STK33: variants seen among roughly 807,000 people sequenced by gnomAD.
STK33 encodes serine/threonine-protein kinase 33.
In STK33, 52 loss-of-function variants were observed where a neutral mutation model predicts 58.0. The observed-to-expected ratio is 0.90, with a 90% CI of 0.72 to 1.13. The LOEUF is 1.13. STK33 is among the 50% of genes most tolerant of loss of function. The pLI is 0.00. For missense variants in STK33, 630 were observed against 604.2 expected, an observed-to-expected ratio of 1.04 and a Z score of -0.45; for synonymous variants, 215 against 200.1, an observed-to-expected ratio of 1.07 and a Z score of -0.63.
At chr11:8,375,022 T>C in the STK33 span, among the ~76,000 whole-genome samples, 1 of 152,226 alleles carries the variant, frequency 6.6e-6, no homozygotes, top group African/African-American at 2.4e-5. Flanking sequence ...TAGCACAGAC[T>C]AAATTTATTA....
At chr11:8,354,501 C>CACACAT in the STK33 span, among the ~76,000 whole-genome samples, 1 of 150,948 alleles carries the variant, frequency 6.6e-6, no homozygotes, top group Admixed American at 6.6e-5. Flanking sequence ...CACACACACA[C>CACACAT]ACACACACAC....
At chr11:8,368,082 A>G in the STK33 span, among the ~76,000 whole-genome samples, 24 of 152,124 alleles carry the variant, frequency 1.6e-4, no homozygotes, top group Non-Finnish European at 2.9e-4. Flanking sequence ...CTACTCCTGC[A>G]GCCAAGCAGC....
the STK33 span, among the ~76,000 whole-genome samples, chr11:8,353,016 C>T: frequency 8.5e-5 from 13 of 152,210 alleles, no homozygotes; most frequent in African/African-American, 1.2e-4. Context: ...TGCTAGCTGA[C>T]GGGAACATGG....
rs1955070178 is a variant in STK33 at position 8,536,972 on chromosome 11, A to ATCTT, written c.-465-56359_-465-56358insAAGA. Among the ~76,000 whole-genome samples, 154 of 65,748 alleles carry ATCTT rather than the reference A, an allele frequency of 2.3e-3. 4 individuals carry two copies. Among genetic ancestry groups the ATCTT allele is most frequent in the Non-Finnish European group, 3.1e-3 (127 of 40,354 alleles). 43.1% of individuals were successfully genotyped at this position (65,748 alleles called of 152,430 possible). On this transcript the variant is annotated intron_variant, in intron 1 of 15. Coordinates refer to ENST00000687296, the MANE Select transcript of STK33 (RefSeq NM_001352389.2). The stretch of plus-strand genomic sequence containing the variant: ...AATTAAAAAAAAAAAAAAAAAAAAG[A>ATCTT]TTTTTTTTTTTTTTTTTTTTTTTTT...
downstream of STK33, among the ~76,000 whole-genome samples, chr11:8,389,204 A>G (rs1214519462): frequency 6.6e-6 from 1 of 152,258 alleles, no homozygotes; most frequent in Non-Finnish European, 1.5e-5. Context: ...CTGCAAGGGC[A>G]GGGGACACAG....
intron 1 of STK33, among the ~76,000 whole-genome samples, chr11:8,511,486 T>G (rs189942541): frequency 9.3e-4 from 141 of 152,304 alleles, no homozygotes; most frequent in African/African-American, 3.3e-3. Flanking sequence ...TCTTGTCTGA[T>G]TGCTGTGGCT....
chr11:8,524,002 A>G (rs1469269977), intron 1 of STK33, among the ~76,000 whole-genome samples: 1 of 152,172 alleles, frequency 6.6e-6, no homozygotes, highest in Admixed American at 6.5e-5. Flanking sequence ...GATGCTGTTA[A>G]TCTATAACCT....
intron 1 of STK33, among the ~76,000 whole-genome samples, chr11:8,526,583 T>C (rs1408457837): frequency 2.6e-5 from 4 of 152,098 alleles, no homozygotes; most frequent in Non-Finnish European, 5.9e-5. Context: ...GGATAATTCA[T>C]AGCAATAAAA....
chr11:8,389,461 G>C (rs147150300), downstream of STK33, among the ~76,000 whole-genome samples: 47 of 152,336 alleles, frequency 3.1e-4, 1 homozygote. Flanking sequence ...GAGTGGTTCT[G>C]GAGGGGCAGA....
the STK33 span, among the ~76,000 whole-genome samples, chr11:8,384,761 G>A: frequency 6.6e-6 from 1 of 152,186 alleles, no homozygotes; most frequent in African/African-American, 2.4e-5. Flanking sequence ...AATCACTTGA[G>A]ATGACTCACT....
chr11:8,351,689 C>T, the STK33 span, among the ~76,000 whole-genome samples: 41 of 152,230 alleles, frequency 2.7e-4, no homozygotes, highest in Non-Finnish European at 2.5e-4. Context: ...GGTGTGGGAG[C>T]GTCGTCCGGA....
At chr11:8,406,391 A>G (rs1336272652) in intron 15 of STK33, among the ~76,000 whole-genome samples, 1 of 152,150 alleles carries the variant, frequency 6.6e-6, no homozygotes, top group African/African-American at 2.4e-5. Context: ...TCATCTTGTC[A>G]ATTTATAACA....
intron 1 of STK33, among the ~76,000 whole-genome samples, chr11:8,579,961 C>T (rs1958449941): frequency 6.6e-6 from 1 of 152,018 alleles, no homozygotes; most frequent in Non-Finnish European, 1.5e-5. Flanking sequence ...AAAAGACAGG[C>T]AATAACAAAT....
intron 1 of STK33, among the ~76,000 whole-genome samples, chr11:8,517,819 TC>T (rs1952951213): frequency 2.0e-5 from 3 of 152,224 alleles, no homozygotes; most frequent in African/African-American, 7.2e-5. Flanking sequence ...GAATGAAGCC[TC>T]CAAGAAATAT....
intron 15 of STK33, among the ~76,000 whole-genome samples, chr11:8,407,158 G>A (rs1030551620): frequency 6.6e-6 from 1 of 151,654 alleles, no homozygotes; most frequent in African/African-American, 2.4e-5. Flanking sequence ...TTTGATTTTT[G>A]GATGTTAATC....
At chr11:8,398,354 C>A (rs1403793374) in intron 15 of STK33, among the ~76,000 whole-genome samples, 1 of 152,146 alleles carries the variant, frequency 6.6e-6, no homozygotes, top group Non-Finnish European at 1.5e-5. Context: ...TCATATCCAG[C>A]CAAACTAAGT....
At chr11:8,460,585 A>G (rs1039130132) in intron 8 of STK33, among the ~76,000 whole-genome samples, 5 of 152,148 alleles carry the variant, frequency 3.3e-5, no homozygotes, top group African/African-American at 4.8e-5. Flanking sequence ...GGAGACCACA[A>G]AGTGGGGTGA....
intron 15 of STK33, among the ~76,000 whole-genome samples, chr11:8,393,114 G>A (rs975143422): frequency 2.6e-5 from 4 of 152,170 alleles, no homozygotes; most frequent in African/African-American, 9.7e-5. Context: ...ATCTGTGTAT[G>A]AAGTGCTACA....
the STK33 span, among the ~76,000 whole-genome samples, chr11:8,336,193 G>A: frequency 1.3e-5 from 2 of 152,250 alleles, no homozygotes; most frequent in African/African-American, 2.4e-5. Context: ...TGGACACAGG[G>A]GCCCCACCTG....
Sources: gnomAD v4.1 joint callset for allele counts (sites outside exome capture counted in the v4.1 genomes callset) on GRCh38, gnomAD v4.1.1 for gene constraint, MANE v1.5 for transcripts, NCBI Gene and HGNC (gene_info 2026-07-23, HGNC 2026-07-21) for gene names.